FRMD4B: variants seen among roughly 807,000 people sequenced by gnomAD.
The protein encoded by FRMD4B is FERM domain containing 4B, also known as FERM domain-containing protein 4B.
A neutral mutation model predicts 141.5 loss-of-function variants in FRMD4B; 74 were observed. The observed-to-expected ratio is 0.52, with a 90% CI of 0.43 to 0.63. The LOEUF is 0.63. Among genes scored for constraint, FRMD4B ranks in the 30% least tolerant of loss-of-function variants. The pLI, the probability that FRMD4B is intolerant of heterozygous loss-of-function variation, is 0.00. For missense variants in FRMD4B, 1,366 were observed against 1,253.4 expected (o/e 1.09, Z -1.36); for synonymous variants, 506 against 467.9 (o/e 1.08, Z -1.05).
intron 1 of FRMD4B, among the ~76,000 whole-genome samples, chr3:69,460,895 C>A (rs1156562868): frequency 1.3e-5 from 2 of 152,178 alleles, no homozygotes; most frequent in Non-Finnish European, 2.9e-5. Flanking sequence ...AGACTCCTTC[C>A]AGCTCTAATT....
intron 2 of FRMD4B, among the ~76,000 whole-genome samples, chr3:69,397,517 T>C (rs1048894055): frequency 2.0e-5 from 3 of 152,136 alleles, no homozygotes; most frequent in East Asian, 1.9e-4. Context: ...AAATAAGCAA[T>C]TGACAAAAAA....
intron 1 of FRMD4B, among the ~76,000 whole-genome samples, chr3:69,450,147 C>T (rs956331074): frequency 7.9e-5 from 12 of 151,742 alleles, no homozygotes; most frequent in African/African-American, 2.7e-4. Flanking sequence ...TCATACAATG[C>T]CTGCAGACAA....
At chr3:69,177,761 T>C (rs2092663337) in intron 21 of FRMD4B, among the ~76,000 whole-genome samples, 2 of 152,174 alleles carry the variant, frequency 1.3e-5, no homozygotes, top group African/African-American at 2.4e-5. Context: ...TATGGTGTTA[T>C]AAAGGTAAGG....
intron 5 of FRMD4B, among the ~76,000 whole-genome samples, chr3:69,261,318 G>A (rs1559759809): frequency 6.6e-6 from 1 of 152,098 alleles, no homozygotes; most frequent in Non-Finnish European, 1.5e-5. Flanking sequence ...TTATCACGAG[G>A]GTCCACGGCT....
chr3:69,372,114 C>T (rs957484294), intron 1 of FRMD4B, among the ~76,000 whole-genome samples: 7 of 152,148 alleles, frequency 4.6e-5, no homozygotes, highest in Admixed American at 1.3e-4. Flanking sequence ...AGTGTCTTTG[C>T]GTCTGCCATT....
intron 2 of FRMD4B, among the ~76,000 whole-genome samples, chr3:69,405,586 G>A (rs1024907524): frequency 1.3e-5 from 2 of 152,214 alleles, no homozygotes; most frequent in Admixed American, 1.3e-4. Context: ...AAGGTAGAAG[G>A]ATGTTGGGCA....
intron 1 of FRMD4B, among the ~76,000 whole-genome samples, chr3:69,512,888 CAAAATT>C (rs1328479640): frequency 1.3e-5 from 2 of 151,770 alleles, no homozygotes; most frequent in Non-Finnish European, 2.9e-5. Context: ...TATTACACAC[CAAAATT>C]TATGACATGC....
chr3:69,426,710 A>G (rs1037149097), intron 2 of FRMD4B, among the ~76,000 whole-genome samples: 1 of 152,234 alleles, frequency 6.6e-6, no homozygotes, highest in African/African-American at 2.4e-5. Context: ...ATCACACTGC[A>G]GACCCAGGAT....
intron 1 of FRMD4B, among the ~76,000 whole-genome samples, chr3:69,357,393 G>A (rs184828081): frequency 6.8e-4 from 104 of 152,306 alleles, no homozygotes; most frequent in Non-Finnish European, 5.4e-4. Context: ...TAGGAGTCCC[G>A]TTGAAAATGA....
At chr3:69,289,174 A>T (rs1476040758) in intron 4 of FRMD4B, among the ~76,000 whole-genome samples, 1 of 152,238 alleles carries the variant, frequency 6.6e-6, no homozygotes, top group Non-Finnish European at 1.5e-5. Context: ...TTTGGAATCC[A>T]AAAGATCAAG....
chr3:69,191,619 C>G (rs115632423), intron 17 of FRMD4B, among the ~76,000 whole-genome samples: 292 of 152,262 alleles, frequency 1.9e-3, no homozygotes, highest in African/African-American at 6.4e-3. Flanking sequence ...TAATGTTAAT[C>G]TGTATCAGAA....
chr3:69,527,426 A>C (rs1464290518), intron 1 of FRMD4B, among the ~76,000 whole-genome samples: 1 of 152,184 alleles, frequency 6.6e-6, no homozygotes, highest in Non-Finnish European at 1.5e-5. Flanking sequence ...AGTGTTTCCA[A>C]ATTAAGTCCC....
chr3:69,427,649 T>TTTTTTTTTG (rs1705107320), intron 2 of FRMD4B, among the ~76,000 whole-genome samples: 2 of 116,938 alleles, frequency 1.7e-5, no homozygotes, highest in Non-Finnish European at 3.5e-5. Context: ...AAATGTTTTT[T>TTTTTTTTTG]TTTTTTTTTT....
chr3:69,279,720 CCCCTCCTCCTT>C (rs2093635324), intron 5 of FRMD4B, among the ~76,000 whole-genome samples: 6 of 114,286 alleles, frequency 5.2e-5, no homozygotes, highest in Non-Finnish European at 5.6e-5. Context: ...CCCTCCTCCT[CCCCTCCTCCTT>C]CTCCTCTTCC....
intron 11 of FRMD4B, among the ~76,000 whole-genome samples, chr3:69,212,359 C>CAAAAAAAAAAAAAAAAAAAAAAAA (rs869309749): frequency 7.9e-4 from 20 of 25,342 alleles, no homozygotes; most frequent in Admixed American, 2.6e-3. Flanking sequence ...AACCCCGTCT[C>CAAAAAAAAAAAAAAAAAAAAAAAA]AAAAAAAAAA....
chr3:69,427,264 A>G, intron 2 of FRMD4B, among the ~76,000 whole-genome samples: 1 of 148,188 alleles, frequency 6.7e-6, no homozygotes, highest in East Asian at 1.9e-4. Context: ...CTATATAAAT[A>G]TAATATATAT....
At chr3:69,286,362 G>T (rs987370862) in intron 5 of FRMD4B, among the ~76,000 whole-genome samples, 44 of 152,246 alleles carry the variant, frequency 2.9e-4, no homozygotes, top group Non-Finnish European at 5.7e-4. Flanking sequence ...GACATCAATC[G>T]CATAAAGGCT....
At chr3:69,442,006 T>C (rs1705350650) in intron 1 of FRMD4B, among the ~76,000 whole-genome samples, 1 of 152,166 alleles carries the variant, frequency 6.6e-6, no homozygotes, top group South Asian at 2.1e-4. Context: ...TTTATTTGCA[T>C]AAATCCAGAA....
At chr3:69,516,676 A>T (rs1700762865) in intron 1 of FRMD4B, among the ~76,000 whole-genome samples, 1 of 152,232 alleles carries the variant, frequency 6.6e-6, no homozygotes. Context: ...TTGTCATGGT[A>T]GCAATAGGAA....
Sources: allele counts gnomAD v4.1 joint callset (sites outside exome capture counted in the v4.1 genomes callset), GRCh38; gene constraint gnomAD v4.1.1; transcripts MANE v1.5; gene names NCBI Gene and HGNC (gene_info 2026-07-23, HGNC 2026-07-21).